The following CDH10 variants were observed in gnomAD, a reference collection of about 807,000 sequenced individuals.
The protein encoded by CDH10 is cadherin 10.
CDH10 carries 30 observed loss-of-function variants against 73.1 expected under a neutral mutation model. The ratio of observed to expected loss-of-function variants is 0.41; its 90% CI spans 0.31 to 0.56. The LOEUF (loss-of-function observed/expected upper bound fraction) is 0.56. CDH10 is among the 20% of genes least tolerant of loss of function. The pLI, the probability that CDH10 is intolerant of heterozygous loss-of-function variation, is 0.27. For missense variants in CDH10, 815 were observed against 973.7 expected (o/e 0.84, Z 2.17); for synonymous variants, 345 against 348.2 (o/e 0.99, Z 0.10).
intron 7 of CDH10, among the ~76,000 whole-genome samples, chr5:24,508,251 G>A (rs1009805204): frequency 1.3e-5 from 2 of 152,160 alleles, no homozygotes; most frequent in Admixed American, 6.5e-5. Context: ...AATAGTGTAT[G>A]TCAATATATG....
At chr5:24,559,764 G>A (rs890906462) in intron 2 of CDH10, among the ~76,000 whole-genome samples, 1 of 152,022 alleles carries the variant, frequency 6.6e-6, no homozygotes, top group African/African-American at 2.4e-5. Flanking sequence ...CAAAGTAAAT[G>A]TTAAAGTCTA....
chr5:24,630,075 T>C lies in CDH10; in HGVS notation c.-124+14519A>G, dbSNP rs116384581. On this transcript the variant is annotated intron_variant, in intron 1 of 11. Coordinates refer to ENST00000264463, the MANE Select transcript of CDH10 (RefSeq NM_006727.5). ...ATGTGGGAGATACTAGGCTGTGAGT[T>C]GGGGATGTAAATAAAAATCAGAATG... Among the ~76,000 whole-genome samples, 593 of 152,180 alleles carry C rather than the reference T, an allele frequency of 3.9e-3. 4 individuals are homozygous for C. The highest frequency in any genetic ancestry group is 0.014 in the African/African-American group (566 of 41,548).
chr5:24,615,398 CA>C (rs1181357611), intron 1 of CDH10, among the ~76,000 whole-genome samples: 4 of 152,140 alleles, frequency 2.6e-5, no homozygotes, highest in African/African-American at 9.7e-5. Context: ...CACGTTATCA[CA>C]ATGTGATTTT....
intron 2 of CDH10, among the ~76,000 whole-genome samples, chr5:24,550,284 A>G (rs933534508): frequency 6.6e-6 from 1 of 152,138 alleles, no homozygotes; most frequent in Non-Finnish European, 1.5e-5. Context: ...TTCTTCTTCA[A>G]TACAAAGTTA....
At chr5:24,574,502 C>A (rs1234726696) in intron 2 of CDH10, among the ~76,000 whole-genome samples, 3 of 151,984 alleles carry the variant, frequency 2.0e-5, no homozygotes, top group Admixed American at 6.6e-5. Context: ...GAATCAAACA[C>A]AAGTGCAGCT....
intron 2 of CDH10, among the ~76,000 whole-genome samples, chr5:24,567,419 C>A (rs1176794903): frequency 6.6e-6 from 1 of 150,510 alleles, no homozygotes; most frequent in African/African-American, 2.4e-5. Context: ...ACGAGATACA[C>A]AAACTATGAT....
intron 1 of CDH10, among the ~76,000 whole-genome samples, chr5:24,595,282 A>G (rs183811770): frequency 4.0e-4 from 61 of 152,082 alleles, no homozygotes; most frequent in African/African-American, 1.3e-3. Flanking sequence ...TTATGCTTAC[A>G]TCCACAGTAA....
At chr5:24,594,998 CTA>C (rs1427640151) in intron 1 of CDH10, among the ~76,000 whole-genome samples, 3 of 151,726 alleles carry the variant, frequency 2.0e-5, no homozygotes, top group Non-Finnish European at 4.4e-5. Flanking sequence ...CCATTACCTG[CTA>C]TATGTTTTTG....
At chr5:24,506,797 G>A (rs1742717418) in intron 7 of CDH10, among the ~76,000 whole-genome samples, 1 of 152,144 alleles carries the variant, frequency 6.6e-6, no homozygotes, top group African/African-American at 2.4e-5. Context: ...GTAGAAATAT[G>A]ACATAAAGTT....
At chr5:24,572,121 T>A (rs1274382735) in intron 2 of CDH10, among the ~76,000 whole-genome samples, 1 of 152,064 alleles carries the variant, frequency 6.6e-6, no homozygotes, top group Admixed American at 6.6e-5. Context: ...TTTTGTGAAG[T>A]CTATATTATC....
At chr5:24,551,036 CACATT>C (rs1377472410) in intron 2 of CDH10, among the ~76,000 whole-genome samples, 1 of 152,152 alleles carries the variant, frequency 6.6e-6, no homozygotes, top group Non-Finnish European at 1.5e-5. Flanking sequence ...GGCTTCCCAT[CACATT>C]ACAATACAAT....
chr5:24,585,630 T>C (rs1327478214), intron 2 of CDH10, among the ~76,000 whole-genome samples: 2 of 151,966 alleles, frequency 1.3e-5, no homozygotes, highest in Admixed American at 1.3e-4. Context: ...CACCATATTG[T>C]CCAGGCTGGT....
At chr5:24,544,936 C>G (rs1343746351) in intron 2 of CDH10, among the ~76,000 whole-genome samples, 1 of 152,190 alleles carries the variant, frequency 6.6e-6, no homozygotes, top group Non-Finnish European at 1.5e-5. Context: ...GCATTATCTA[C>G]TTCCAAGGCC....
chr5:24,583,983 T>C (rs1745888571), intron 2 of CDH10, among the ~76,000 whole-genome samples: 1 of 152,162 alleles, frequency 6.6e-6, no homozygotes, highest in South Asian at 2.1e-4. Flanking sequence ...ATAATGTTGA[T>C]TCTAATCCTG....
intron 1 of CDH10, among the ~76,000 whole-genome samples, chr5:24,623,586 C>T (rs1353455618): frequency 2.0e-5 from 3 of 151,984 alleles, no homozygotes; most frequent in Non-Finnish European, 4.4e-5. Context: ...AAGAACATCC[C>T]CAAAAGAGAT....
intron 1 of CDH10, among the ~76,000 whole-genome samples, chr5:24,631,951 G>GA (rs1170517764): frequency 1.3e-5 from 2 of 151,954 alleles, no homozygotes; most frequent in African/African-American, 4.8e-5. Flanking sequence ...TATTTGAGAG[G>GA]AAAAAAGTTG....
At position 24,617,946 on chromosome 5, in the gene CDH10, C is replaced by T. The variant is rs910384634; in HGVS notation, c.-123-24333G>A. ...GAATCTTAGCAATCAGTCTGTTCCC[C>T]ACCCTCTATTTTACATATCAGTGTC... On this transcript the variant is annotated intron_variant, in intron 1 of 11. Coordinates refer to ENST00000264463, the MANE Select transcript of CDH10 (RefSeq NM_006727.5). 4.6e-5 allele frequency among the ~76,000 whole-genome samples: 7 copies of T among 152,162 alleles called. 1 individual carries two copies. Among genetic ancestry groups the T allele is most frequent in the African/African-American group, 4.8e-5 (2 of 41,442 alleles).
chr5:24,574,045 C>T (rs1047563221), intron 2 of CDH10, among the ~76,000 whole-genome samples: 1 of 151,626 alleles, frequency 6.6e-6, no homozygotes, highest in African/African-American at 2.4e-5. Context: ...CCACCACACC[C>T]GGCTAATTTT....
intron 2 of CDH10, among the ~76,000 whole-genome samples, chr5:24,585,019 T>G (rs1425033422): frequency 2.6e-5 from 4 of 152,080 alleles, no homozygotes; most frequent in South Asian, 2.1e-4. Flanking sequence ...GATAATTTTT[T>G]CTATTTTTAG....
Sources: allele counts gnomAD v4.1 joint callset (sites outside exome capture counted in the v4.1 genomes callset), GRCh38; gene constraint gnomAD v4.1.1; transcripts MANE v1.5; gene names NCBI Gene and HGNC (gene_info 2026-07-23, HGNC 2026-07-21).